Variants in RUNDC1 observed in about 807,000 individuals in gnomAD.
RUNDC1 encodes the protein RUN domain containing 1, also known as RUN domain-containing protein 1.
A neutral mutation model predicts 49.3 loss-of-function variants in RUNDC1; 31 were observed. That is an observed-to-expected ratio of 0.63 (90% confidence interval 0.47 to 0.85). RUNDC1 has a LOEUF of 0.85. RUNDC1 is among the 40% of genes least tolerant of loss of function. The pLI, the probability that RUNDC1 is intolerant of heterozygous loss-of-function variation, is 0.00. For missense variants in RUNDC1, 715 were observed against 806.7 expected (o/e 0.89, Z 1.38); for synonymous variants, 347 against 348.6 (o/e 1.00, Z 0.05).
At chr17:42,983,181 CAA>C (rs537928490) in intron 1 of RUNDC1, among the ~76,000 whole-genome samples, 2 of 83,046 alleles carry the variant, frequency 2.4e-5, no homozygotes, top group Admixed American at 1.4e-4. Flanking sequence ...GACCCTGTCT[CAA>C]AAAAAAAAGG....
At position 42,994,380 on chromosome 17, in the gene RUNDC1, T is replaced by C. The variant is rs893004159; in HGVS notation, c.*2664T>C. ...AAGTGGGACAGTATTATCCCCACTT[T>C]ACAGCTGAGGAAACTGAACTGCAGA... On this transcript the variant is annotated 3_prime_UTR_variant, in exon 5 of 5. Transcript: ENST00000361677. Among the ~76,000 whole-genome samples the C allele has an allele frequency of 6.6e-5, 10 of 152,216 alleles. No individual in the cohort carries two copies. The highest frequency in any genetic ancestry group is 2.2e-4 in the African/African-American group (9 of 41,456).
chr17:42,980,834 G>T lies in RUNDC1; in HGVS notation c.258G>T (p.Glu86Asp). ...PGRTLRRLRA[E>D]RRRLDSALLA... ...GGACGCTGCGGCGGCTGCGGGCAGA[G>T]CGGCGGCGGCTGGACTCGGCGCTGC... is the stretch of plus-strand genomic sequence containing the variant. The change falls in exon 1 of 5, where the codon GAG becomes GAT. Residue 86 changes from glutamate (E) to aspartate (D), a missense_variant. Coordinates refer to ENST00000361677, the MANE Select transcript of RUNDC1 (RefSeq NM_173079.5). The T allele has an allele frequency of 2.2e-6, 3 of 1,380,218 alleles. No individual in the cohort carries two copies. The highest frequency in any genetic ancestry group is 2.8e-6 in the Non-Finnish European group (3 of 1,077,634). The allele number at this position is 1,380,218 out of a possible 1,614,324, so 85.5% of individuals were successfully genotyped here.
At position 42,991,326 on chromosome 17, in the gene RUNDC1, C is replaced by A. The variant is rs370262164; in HGVS notation, c.1452C>A (p.Asn484Lys). 2 of 1,614,080 alleles carry A rather than the reference C, an allele frequency of 1.2e-6. No individual in the cohort carries two copies. The highest frequency in any genetic ancestry group is 1.7e-6 in the Non-Finnish European group (2 of 1,180,040). Residue 484 changes from asparagine to lysine, a missense_variant, in exon 5 of 5, where the codon AAC (asparagine) becomes AAA (lysine). By Grantham distance (94) the Asn-to-Lys change is moderately conservative. Transcript: ENST00000361677. ...ELFVKYYHAKNGRAYVESPAR... is the reference protein window; with the variant it reads ...ELFVKYYHAKKGRAYVESPAR... ...TTGTAAAGTACTACCATGCTAAGAA[C>A]GGCCGTGCTTATGTGGAATCCCCAG...
At chr17:42,986,078 C>A (rs1051149965) in intron 1 of RUNDC1, among the ~76,000 whole-genome samples, 2 of 152,074 alleles carry the variant, frequency 1.3e-5, no homozygotes, top group African/African-American at 4.8e-5. Flanking sequence ...AAGCTCAATG[C>A]AGCCTCAACC....
At position 42,989,343 on chromosome 17, in the gene RUNDC1, G is replaced by A. The variant is rs761730030; in HGVS notation, c.660G>A (p.Val220=). 5.0e-6 allele frequency: 8 copies of A among 1,612,852 alleles called. No homozygotes were observed. Among genetic ancestry groups the A allele is most frequent in the Middle Eastern group, 1.8e-4 (1 of 5,618 alleles). Residue 220 remains valine, a splice_region_variant and synonymous_variant, in exon 3 of 5, where the codon GTG becomes GTA. Transcript: ENST00000361677. The part of the protein sequence containing the change: ...PQSVVLERQR[V]IIDELIKKLD... ...CTCATTGCTTGTGATCTTGGTAGGT[G>A]ATCATAGATGAGTTAATAAAGAAAC...
chr17:42,983,457 G>C (rs2050130299), intron 1 of RUNDC1, among the ~76,000 whole-genome samples: 1 of 141,292 alleles, frequency 7.1e-6, no homozygotes, highest in African/African-American at 2.7e-5. Context: ...ACTCACTGCA[G>C]CCTTGACTCC....
At chr17:42,990,017 T>C (rs1381789332) in intron 3 of RUNDC1, among the ~76,000 whole-genome samples, 1 of 152,156 alleles carries the variant, frequency 6.6e-6, no homozygotes, top group African/African-American at 2.4e-5. Flanking sequence ...AGAAAGTGCA[T>C]GGGTTTCAAA....
At position 42,991,780 on chromosome 17, in the gene RUNDC1, C is replaced by A; in HGVS notation, c.*64C>A. 2.0e-6 allele frequency: 3 copies of A among 1,508,890 alleles called. No homozygotes were observed. The South Asian group carries it at 3.8e-5, about 19-fold the overall frequency. The allele number at this position is 1,508,890 out of a possible 1,614,324, so 93.5% of individuals were successfully genotyped here. ...AGGGATAGATGTGCTAGTCTTCTAG[C>A]ATAGGAGCAAGGAATCAGAGGTGGG... On this transcript the variant is annotated 3_prime_UTR_variant, in exon 5 of 5. Coordinates refer to ENST00000361677, the MANE Select transcript of RUNDC1 (RefSeq NM_173079.5).
Position 42,993,039 on chromosome 17 carries a change from G to A in RUNDC1, c.*1323G>A, listed in dbSNP as rs1400247802. On this transcript the variant is annotated 3_prime_UTR_variant, in exon 5 of 5. Coordinates refer to ENST00000361677, the MANE Select transcript of RUNDC1 (RefSeq NM_173079.5). ...CGAGAAAATCCTGGCTACCCAAGTC[G>A]AGTATATACAGGAATACAAATCGGT... 1 of 152,154 alleles carries A rather than the reference G, an allele frequency of 6.6e-6. No homozygotes were observed. Among genetic ancestry groups the A allele is most frequent in the African/African-American group, 2.4e-5 (1 of 41,438 alleles). The allele number at this position is 152,154 out of a possible 1,614,324, so 9.4% of individuals were successfully genotyped here.
At chr17:42,989,884 C>G (rs1378866674) in intron 3 of RUNDC1, among the ~76,000 whole-genome samples, 1 of 152,140 alleles carries the variant, frequency 6.6e-6, no homozygotes, top group Non-Finnish European at 1.5e-5. Flanking sequence ...ATCCGCCTGC[C>G]TCAGCCTCCC....
Position 42,991,112 on chromosome 17 carries a change from A to T in RUNDC1, c.1238A>T (p.Asp413Val), listed in dbSNP as rs746867708. ...DHVITSANLQDLSLGGKDELT... is the reference protein window; with the variant it reads ...DHVITSANLQVLSLGGKDELT... ...GTCATCACCTCTGCCAACCTCCAGGACCTCTCTCTGGGAGGCAAGGATGAG... is the reference window on the plus strand; with the variant it reads ...GTCATCACCTCTGCCAACCTCCAGGTCCTCTCTCTGGGAGGCAAGGATGAG... Residue 413 changes from aspartate to valine, a missense_variant, in exon 5 of 5, where the codon GAC (aspartate) becomes GTC (valine). Coordinates refer to ENST00000361677, the MANE Select transcript of RUNDC1 (RefSeq NM_173079.5). The T allele has an allele frequency of 6.2e-7, 1 of 1,614,130 alleles. No individual in the cohort carries two copies. Among genetic ancestry groups the T allele is most frequent in the Admixed American group, 1.7e-5 (1 of 60,002 alleles).
In RUNDC1 at chr17:42,981,011, C is replaced by A; in HGVS notation, c.435C>A (p.Asp145Glu). The change falls in exon 1 of 5, where the codon GAC becomes GAA. Residue 145 changes from aspartate to glutamate, a missense_variant. This residue lies in a region of RUNDC1 where 113 missense variants were observed against 93.4 expected (regional missense o/e 1.21). Transcript: ENST00000361677. ...TCCTAGGTTACGAAGGGCCCGGCGA[C>A]CCCGCCAGCGATGAGGGCGATGGGC... ...PHVLGYEGPGDPASDEGDGLP... is the reference protein window; with the variant it reads ...PHVLGYEGPGEPASDEGDGLP... 1 of 1,548,540 alleles carries A rather than the reference C, an allele frequency of 6.5e-7. No homozygotes were observed. Among genetic ancestry groups the A allele is most frequent in the Non-Finnish European group, 8.7e-7 (1 of 1,153,682 alleles).
intron 1 of RUNDC1, among the ~76,000 whole-genome samples, chr17:42,986,166 T>TC (rs1371211201): frequency 6.6e-6 from 1 of 151,680 alleles, no homozygotes; most frequent in Admixed American, 6.6e-5. Flanking sequence ...GGCTAATTTT[T>TC]TTTTTCTTTG....
chr17:42,982,745 G>A (rs953308530), intron 1 of RUNDC1, among the ~76,000 whole-genome samples: 3 of 151,550 alleles, frequency 2.0e-5, no homozygotes, highest in South Asian at 4.2e-4. Context: ...AGGCCAAGGC[G>A]GGCGGATCAC....
chr17:42,985,308 T>G (rs1389680047), intron 1 of RUNDC1, among the ~76,000 whole-genome samples: 4 of 152,212 alleles, frequency 2.6e-5, no homozygotes, highest in Non-Finnish European at 5.9e-5. Context: ...AAGGAGTTCA[T>G]AGACTAGAAG....
chr17:42,988,960 G>A (rs530856515), intron 2 of RUNDC1, among the ~76,000 whole-genome samples: 1 of 152,268 alleles, frequency 6.6e-6, no homozygotes, highest in Admixed American at 6.5e-5. Flanking sequence ...CTGGGTGACT[G>A]AGCAAGACCC....
In RUNDC1 at chr17:42,980,791, C is replaced by A; in HGVS notation, c.215C>A (p.Pro72Gln). The A allele has an allele frequency of 3.6e-6, 5 of 1,402,332 alleles. No homozygotes were observed. The highest frequency in any genetic ancestry group is 3.7e-6 in the Non-Finnish European group (4 of 1,089,588). 86.9% of individuals were successfully genotyped at this position (1,402,332 alleles called of 1,614,324 possible). ...AEEPGAAPGSPPDSPGRTLRR... is the reference protein window; with the variant it reads ...AEEPGAAPGSQPDSPGRTLRR... ...GAGCCTGGCGCGGCCCCGGGCTCCC[C>A]GCCGGATTCGCCGGGCCGGACGCTG... The change falls in exon 1 of 5, where the codon CCG becomes CAG. Residue 72 changes from proline to glutamine, a missense_variant. Coordinates refer to ENST00000361677, the MANE Select transcript of RUNDC1 (RefSeq NM_173079.5).
intron 1 of RUNDC1, among the ~76,000 whole-genome samples, chr17:42,984,930 G>C (rs1217938505): frequency 2.9e-5 from 3 of 101,714 alleles, no homozygotes; most frequent in Non-Finnish European, 5.3e-5. Context: ...GAGTCTTGCT[G>C]TGACACCCAG....
intron 1 of RUNDC1, among the ~76,000 whole-genome samples, chr17:42,986,584 G>C (rs1240420913): frequency 2.0e-5 from 3 of 151,784 alleles, no homozygotes; most frequent in Non-Finnish European, 2.9e-5. Context: ...TGCAAGCTCC[G>C]CCTCCCGGGT....
Sources: gnomAD v4.1 joint callset for allele counts (sites outside exome capture counted in the v4.1 genomes callset) on GRCh38, gnomAD v4.1.1 for gene constraint, gnomAD v4.1.1 regional missense constraint, MANE v1.5 for transcripts, NCBI Gene and HGNC (gene_info 2026-07-23, HGNC 2026-07-21) for gene names.